The following RAB38 variants were observed in gnomAD, a reference collection of about 807,000 sequenced individuals.
RAB38 encodes RAB38, member RAS oncogene family.
Under a neutral mutation model 18.4 loss-of-function variants are expected in RAB38, and 15 were observed. The ratio of observed to expected loss-of-function variants is 0.82; its 90% CI spans 0.55 to 1.26. RAB38 has a LOEUF of 1.26. Among genes scored for constraint, RAB38 ranks in the 50% most tolerant of loss-of-function variants. The probability of loss-of-function intolerance (pLI) is 0.00; values close to 1 mark genes in which losing one functional copy is unlikely to be tolerated. For missense variants in RAB38, 294 were observed against 267.4 expected (o/e 1.10, Z -0.69); for synonymous variants, 101 against 104.4 (o/e 0.97, Z 0.20).
At chr11:87,814,255 A>G in the RAB38 span, among the ~76,000 whole-genome samples, 1 of 152,156 alleles carries the variant, frequency 6.6e-6, no homozygotes, top group Non-Finnish European at 1.5e-5. Flanking sequence ...CTTGTCTATA[A>G]TGTGCTATGT....
the RAB38 span, among the ~76,000 whole-genome samples, chr11:87,941,225 ATATATATATATATATATAT>A: frequency 8.8e-6 from 1 of 113,790 alleles, no homozygotes; most frequent in Non-Finnish European, 1.9e-5. Context: ...ATATATATAT[ATATATATATATATATATAT>A]ATGTAACTTC....
chr11:87,968,026 A>G, the RAB38 span, among the ~76,000 whole-genome samples: 1 of 152,206 alleles, frequency 6.6e-6, no homozygotes, highest in Non-Finnish European at 1.5e-5. Context: ...CACATTCTCC[A>G]ATATATTCTT....
the RAB38 span, among the ~76,000 whole-genome samples, chr11:88,047,391 C>T: frequency 6.6e-6 from 1 of 152,296 alleles, no homozygotes; most frequent in South Asian, 2.1e-4. Context: ...TTCCACCAGG[C>T]CTAATCGCCA....
intron 1 of RAB38, among the ~76,000 whole-genome samples, chr11:88,162,723 G>A (rs1450480328): frequency 6.6e-6 from 1 of 151,988 alleles, no homozygotes; most frequent in African/African-American, 2.4e-5. Context: ...TTGCCTTCAC[G>A]ATGATTCCAT....
chr11:88,107,821 T>G, the RAB38 span, among the ~76,000 whole-genome samples: 1 of 152,166 alleles, frequency 6.6e-6, no homozygotes, highest in Non-Finnish European at 1.5e-5. Context: ...CTATTGTGTC[T>G]TTGTTCTCAT....
the RAB38 span, among the ~76,000 whole-genome samples, chr11:87,830,194 C>A: frequency 6.6e-6 from 1 of 152,052 alleles, no homozygotes; most frequent in Non-Finnish European, 1.5e-5. Context: ...TAAAAACTAA[C>A]AATCGGCCAG....
At chr11:87,900,704 GAAA>G in the RAB38 span, among the ~76,000 whole-genome samples, 4 of 146,898 alleles carry the variant, frequency 2.7e-5, no homozygotes, top group Non-Finnish European at 3.0e-5. Flanking sequence ...AGGAAGGAAG[GAAA>G]AAGGAAGAGA....
At chr11:87,920,495 G>C in the RAB38 span, among the ~76,000 whole-genome samples, 2 of 151,996 alleles carry the variant, frequency 1.3e-5, no homozygotes, top group Non-Finnish European at 2.9e-5. Context: ...TTGTGGTCAG[G>C]AAAGATACTT....
At chr11:88,042,613 C>T in the RAB38 span, among the ~76,000 whole-genome samples, 7 of 152,160 alleles carry the variant, frequency 4.6e-5, no homozygotes, top group Non-Finnish European at 1.0e-4. Flanking sequence ...AGATCTGTGT[C>T]AGCTGTCTTG....
At chr11:88,054,322 T>C in the RAB38 span, among the ~76,000 whole-genome samples, 1 of 152,186 alleles carries the variant, frequency 6.6e-6, no homozygotes. Flanking sequence ...TCTGGGTAGT[T>C]TTCTGCATTC....
intron 1 of RAB38, among the ~76,000 whole-genome samples, chr11:88,165,376 A>C (rs1943234666): frequency 1.3e-5 from 2 of 152,106 alleles, no homozygotes; most frequent in Admixed American, 1.3e-4. Flanking sequence ...TCTCTATAGT[A>C]GGGTTAATAA....
intron 2 of RAB38, among the ~76,000 whole-genome samples, chr11:88,143,429 C>T (rs1942941464): frequency 6.6e-6 from 1 of 152,146 alleles, no homozygotes. Flanking sequence ...ATAAAAACAG[C>T]CATTGATAAC....
chr11:87,823,878 G>A, the RAB38 span, among the ~76,000 whole-genome samples: 5,129 of 152,152 alleles, frequency 0.034, 121 homozygotes, highest in Non-Finnish European at 0.051. Flanking sequence ...ACTCAGATAA[G>A]TACATATTAT....
chr11:87,902,529 A>G, the RAB38 span, among the ~76,000 whole-genome samples: 23 of 151,600 alleles, frequency 1.5e-4, no homozygotes, highest in African/African-American at 5.1e-4. Context: ...CATAAAGCTT[A>G]TTCATTTCTA....
At chr11:87,849,637 G>A in the RAB38 span, among the ~76,000 whole-genome samples, 35 of 152,128 alleles carry the variant, frequency 2.3e-4, no homozygotes, top group African/African-American at 7.5e-4. Flanking sequence ...GAATATCTTT[G>A]GGTGTTGTCC....
chr11:87,858,946 TAA>T, the RAB38 span, among the ~76,000 whole-genome samples: 3 of 131,836 alleles, frequency 2.3e-5, no homozygotes, highest in Non-Finnish European at 1.7e-5. Context: ...AAATAAAAAG[TAA>T]AAAAAAAAAA....
chr11:87,975,046 A>C, the RAB38 span, among the ~76,000 whole-genome samples: 1 of 151,820 alleles, frequency 6.6e-6, no homozygotes, highest in African/African-American at 2.4e-5. Flanking sequence ...GCTCCAGGTG[A>C]TTGCCAGCAA....
chr11:88,061,510 A>C, the RAB38 span, among the ~76,000 whole-genome samples: 4 of 152,400 alleles, frequency 2.6e-5, no homozygotes, highest in Admixed American at 1.3e-4. Context: ...TGATCATTTA[A>C]GAATCAAATT....
chr11:88,067,857 T>C, the RAB38 span, among the ~76,000 whole-genome samples: 1 of 151,844 alleles, frequency 6.6e-6, no homozygotes, highest in Non-Finnish European at 1.5e-5. Flanking sequence ...GTGGCACATG[T>C]ATACCTATGT....
Sources: allele counts gnomAD v4.1 joint callset (sites outside exome capture counted in the v4.1 genomes callset), GRCh38; gene constraint gnomAD v4.1.1; transcripts MANE v1.5; gene names NCBI Gene and HGNC (gene_info 2026-07-23, HGNC 2026-07-21).